SPATA20: variants seen among roughly 807,000 people sequenced by gnomAD.
SPATA20 encodes spermatogenesis-associated protein 20.
SPATA20 carries 74 observed loss-of-function variants against 98.9 expected under a neutral mutation model. That is an observed-to-expected ratio of 0.75 (90% CI 0.62 to 0.91). The LOEUF (loss-of-function observed/expected upper bound fraction) is 0.91. Among genes scored for constraint, SPATA20 ranks in the 40% least tolerant of loss-of-function variants. SPATA20 has a pLI of 0.00. For synonymous variants in SPATA20, 430 were observed against 440.5 expected (o/e 0.98, Z 0.30); for missense variants, 1,016 against 1,069.8 (o/e 0.95, Z 0.70).
chr17:50,552,100 T>C lies in SPATA20; in HGVS notation c.1877T>C (p.Leu626Pro). 1.9e-6 allele frequency: 3 copies of C among 1,613,726 alleles called. No individual in the cohort carries two copies. The highest frequency in any genetic ancestry group is 2.5e-6 in the Non-Finnish European group (3 of 1,179,986). The change falls in exon 14 of 17, where the codon CTC (leucine) becomes CCC (proline). Residue 626 changes from leucine (L) to proline (P), a missense_variant. Leu to Pro is a moderately conservative substitution (Grantham distance 98). Coordinates refer to ENST00000006658, the MANE Select transcript of SPATA20 (RefSeq NM_022827.4). ...ALRLQDTQDKLFWDSQGGGYF... is the reference protein window; with the variant it reads ...ALRLQDTQDKPFWDSQGGGYF... ...CGGCTGCAGGACACACAGGACAAGC[T>C]CTTTTGGGACTCCCAGGGTGGCGGC...
chr17:50,555,785 G>A lies in SPATA20; in HGVS notation c.*123G>A, dbSNP rs1262617781. 4 of 831,374 alleles carry A rather than the reference G, an allele frequency of 4.8e-6. No homozygotes were observed. The highest frequency in any genetic ancestry group is 1.7e-5 in the African/African-American group (1 of 58,046). 51.5% of individuals were successfully genotyped at this position (831,374 alleles called of 1,614,324 possible). On this transcript the variant is annotated 3_prime_UTR_variant, in exon 17 of 17. Coordinates refer to ENST00000006658, the MANE Select transcript of SPATA20 (RefSeq NM_022827.4). Reference sequence around the variant, plus strand: ...GAGCACCCTGCCACCAGGTGACCTCGGCCATACTCACTGCCCCCCTTGGGC... The same window carrying A: ...GAGCACCCTGCCACCAGGTGACCTCAGCCATACTCACTGCCCCCCTTGGGC...
At chr17:50,552,784 G>A (rs568795337) in intron 14 of SPATA20, among the ~76,000 whole-genome samples, 1 of 151,984 alleles carries the variant, frequency 6.6e-6, no homozygotes, top group South Asian at 2.1e-4. Flanking sequence ...AAACTACTGG[G>A]CTCAAGTGAT....
chr17:50,555,198 T>TC, intron 15 of SPATA20, 34 bp from the exon 16 acceptor site: 1 of 1,595,832 alleles, frequency 6.3e-7, no homozygotes, highest in Non-Finnish European at 8.6e-7. Context: ...CTCCCTCCCC[T>TC]GACACACCGG....
Position 50,550,888 on chromosome 17 carries a change from A to G in SPATA20, c.1354A>G (p.Thr452Ala), listed in dbSNP as rs767467146. The change falls in exon 11 of 17, where the codon ACA (threonine) becomes GCA (alanine). Residue 452 changes from threonine (T) to alanine (A), a missense_variant. By Grantham distance (58) the Thr-to-Ala change is moderately conservative (BLOSUM62 0). Transcript: ENST00000006658. ...GCTCCTCATGAAGCACTACGGCCTC[A>G]CAGAGGCTGGTAACATCAGCCCCAG... is the stretch of plus-strand genomic sequence containing the variant. ...GQLLMKHYGL[T>A]EAGNISPSQD... 5.0e-6 allele frequency: 8 copies of G among 1,613,100 alleles called. No individual in the cohort carries two copies. The Middle Eastern group carries it at 6.6e-4, about 133-fold the overall frequency.
At position 50,547,200 on chromosome 17, in the gene SPATA20, C is replaced by A; in HGVS notation, c.-9C>A. On this transcript the variant is annotated 5_prime_UTR_variant, in exon 1 of 17. Coordinates refer to ENST00000006658, the MANE Select transcript of SPATA20 (RefSeq NM_022827.4). ...TCCTCAGCGGCCGGGCCCACGGCCC[C>A]GAGCAGCCATGCTGGGCGCGCGGGC... 7.0e-7 allele frequency: 1 copy of A among 1,426,036 alleles called. No individual in the cohort carries two copies. Among genetic ancestry groups the A allele is most frequent in the Non-Finnish European group, 9.1e-7 (1 of 1,097,988 alleles). 88.3% of individuals were successfully genotyped at this position (1,426,036 alleles called of 1,614,324 possible).
chr17:50,551,405 G>T, intron 12 of SPATA20, 106 bp from the exon 13 acceptor site: 1 of 1,358,420 alleles, frequency 7.4e-7, no homozygotes, highest in Non-Finnish European at 1.0e-6. Flanking sequence ...AGATCTTAGG[G>T]ATCACCCATG....
Position 50,548,610 on chromosome 17 carries a change from T to G in SPATA20, c.353T>G (p.Phe118Cys). Residue 118 changes from phenylalanine to cysteine, a missense_variant, in exon 4 of 17, where the codon TTC becomes TGC. Phe to Cys is a radical substitution (Grantham distance 205). Transcript: ENST00000006658. ...DKARKENKPI[F>C]LSVGYSTCHW... ...GCCAGGAAGGAAAACAAGCCGATTT[T>G]CCTCTCAGGTAATGCTCCCACCTTC... 6.2e-7 allele frequency: 1 copy of G among 1,613,132 alleles called. No individual in the cohort carries two copies. The highest frequency in any genetic ancestry group is 8.5e-7 in the Non-Finnish European group (1 of 1,179,794).
In SPATA20 at chr17:50,555,690, G is replaced by GTC; in HGVS notation, c.*28_*29insTC. On this transcript the variant is annotated 3_prime_UTR_variant, in exon 17 of 17. Coordinates refer to ENST00000006658, the MANE Select transcript of SPATA20 (RefSeq NM_022827.4). Reference sequence around the variant, plus strand: ...GCCCCAACCCCCTTGGGGTGGGGCAGAAGGTGAAGCATCCCAACTGACTAG... The same window carrying GTC: ...GCCCCAACCCCCTTGGGGTGGGGCAGTCAAGGTGAAGCATCCCAACTGACTAG... 10 of 1,598,114 alleles carry GTC rather than the reference G, an allele frequency of 6.3e-6. No individual in the cohort carries two copies. Among genetic ancestry groups the GTC allele is most frequent in the East Asian group, 2.2e-5 (1 of 44,742 alleles).
chr17:50,553,127 C>G (rs2004188532), intron 14 of SPATA20, among the ~76,000 whole-genome samples: 2 of 152,224 alleles, frequency 1.3e-5, no homozygotes, highest in African/African-American at 2.4e-5. Flanking sequence ...CTATGTGTGC[C>G]TGCTCCCTAT....
Position 50,554,856 on chromosome 17 carries a change from T to C in SPATA20, c.2158-376T>C, listed in dbSNP as rs2285939. Among the ~76,000 whole-genome samples, 158 of 151,276 alleles carry C rather than the reference T, an allele frequency of 1.0e-3. 3 individuals are homozygous for C. The East Asian group carries it at 0.028, about 26-fold the overall frequency. On this transcript the variant is annotated intron_variant, in intron 15 of 16. Coordinates refer to ENST00000006658, the MANE Select transcript of SPATA20 (RefSeq NM_022827.4). ...TGCGTGTGTGTCTGGTGTTTGTGTG[T>C]GTGGTATCTGCCTCTGTGTGGGCAT...
In SPATA20 at chr17:50,549,093, C is replaced by T; in HGVS notation, c.567C>T (p.Asn189=). The T allele has an allele frequency of 6.2e-7, 1 of 1,613,574 alleles. No homozygotes were observed. The highest frequency in any genetic ancestry group is 1.1e-5 in the South Asian group (1 of 91,066). ...GWPMNVWLTP[N]LQPFVGGTYF... ...CCATGAATGTGTGGCTGACTCCCAA[C>T]CTCCAGCCCTTTGTCGGGGGCACCT... Residue 189 remains asparagine (N), a synonymous_variant, in exon 6 of 17, where the codon AAC becomes AAT. Coordinates refer to ENST00000006658, the MANE Select transcript of SPATA20 (RefSeq NM_022827.4).
chr17:50,554,157 G>T (rs181608616), intron 14 of SPATA20, 94 bp from the exon 15 acceptor site: 2 of 1,145,110 alleles, frequency 1.7e-6, no homozygotes, highest in Admixed American at 3.8e-5. Context: ...TCTCTGTCCC[G>T]TCCCCCAAGT....
intron 14 of SPATA20, 77 bp downstream of exon 14, chr17:50,552,257 G>A (rs2035029214): frequency 8.7e-6 from 11 of 1,267,890 alleles, no homozygotes; most frequent in Non-Finnish European, 1.1e-5. Context: ...GTGTGGGCAG[G>A]AGCCCTCCTG....
chr17:50,548,078 G>A, intron 2 of SPATA20: 1 of 1,502,812 alleles, frequency 6.7e-7, no homozygotes, highest in South Asian at 1.3e-5. Flanking sequence ...CTGGCAAGGA[G>A]CCCCCAATGA....
chr17:50,554,083 C>A (rs1182943462), intron 14 of SPATA20, among the ~76,000 whole-genome samples, 168 bp from the exon 15 acceptor site: 2 of 152,124 alleles, frequency 1.3e-5, no homozygotes, highest in African/African-American at 2.4e-5. Flanking sequence ...CAGCAAAGTA[C>A]TGATAACTGC....
chr17:50,550,763 G>A lies in SPATA20; in HGVS notation c.1229G>A (p.Arg410Gln), dbSNP rs569672866. 17 of 1,613,180 alleles carry A rather than the reference G, an allele frequency of 1.1e-5. No individual in the cohort carries two copies. The highest frequency in any genetic ancestry group is 4.4e-5 in the South Asian group (4 of 91,090). The change falls in exon 11 of 17, where the codon CGG becomes CAG. Residue 410 changes from arginine (R) to glutamine (Q), a missense_variant. By Grantham distance (43) the Arg-to-Gln change is conservative (BLOSUM62 1). Coordinates refer to ENST00000006658, the MANE Select transcript of SPATA20 (RefSeq NM_022827.4). The stretch of plus-strand genomic sequence containing the variant: ...GACTCGCCCCCAGAGCGGGGCCAGC[G>A]GCCCAAAGAGGGCGCCTACTATGTG... ...DADSPPERGQRPKEGAYYVWT... is the reference protein window; with the variant it reads ...DADSPPERGQQPKEGAYYVWT...
chr17:50,548,812 G>A lies in SPATA20; in HGVS notation c.364G>A (p.Gly122Arg), dbSNP rs756860978. 5 of 1,611,806 alleles carry A rather than the reference G, an allele frequency of 3.1e-6. No homozygotes were observed. The highest frequency in any genetic ancestry group is 4.2e-6 in the Non-Finnish European group (5 of 1,178,936). ...KENKPIFLSV[G>R]YSTCHWCHMM... ...CCTCTCCCCATGGCCCTGTTCAGTC[G>A]GGTACTCCACCTGCCACTGGTGCCA... Residue 122 changes from glycine (G) to arginine (R), a missense_variant and splice_region_variant, in exon 5 of 17, where the codon GGG becomes AGG. Coordinates refer to ENST00000006658, the MANE Select transcript of SPATA20 (RefSeq NM_022827.4).
At position 50,552,108 on chromosome 17, in the gene SPATA20, G is replaced by A. The variant is rs772228537; in HGVS notation, c.1885G>A (p.Asp629Asn). Residue 629 changes from aspartate to asparagine, a missense_variant, in exon 14 of 17, where the codon GAC (aspartate) becomes AAC (asparagine). Transcript: ENST00000006658. ...LQDTQDKLFW[D>N]SQGGGYFCSE... ...GGACACACAGGACAAGCTCTTTTGG[G>A]ACTCCCAGGGTGGCGGCTACTTCTG... 3.7e-6 allele frequency: 6 copies of A among 1,613,854 alleles called. No homozygotes were observed. The highest frequency in any genetic ancestry group is 1.1e-5 in the South Asian group (1 of 91,084).
intron 1 of SPATA20, 64 bp from the exon 2 acceptor site, chr17:50,547,656 G>GTT: frequency 1.3e-6 from 1 of 779,988 alleles, no homozygotes; most frequent in Non-Finnish European, 2.4e-6. Context: ...TGGACCTTTC[G>GTT]TTATTTAGGT....
Sources: allele counts gnomAD v4.1 joint callset (sites outside exome capture counted in the v4.1 genomes callset), GRCh38; gene constraint gnomAD v4.1.1; transcripts MANE v1.5; gene names NCBI Gene and HGNC (gene_info 2026-07-23, HGNC 2026-07-21).